Variants in STK3 observed in about 807,000 individuals in gnomAD.
STK3 encodes serine/threonine kinase 3.
In STK3, 41 loss-of-function variants were observed where a neutral mutation model predicts 58.0. The observed-to-expected ratio is 0.71, with a 90% CI of 0.55 to 0.92. STK3 has a LOEUF of 0.92. STK3 is among the 40% of genes least tolerant of loss of function. The pLI is 0.00. For missense variants in STK3, 479 were observed against 602.7 expected, an observed-to-expected ratio of 0.79 and a Z score of 2.15; for synonymous variants, 170 against 191.0, an observed-to-expected ratio of 0.89 and a Z score of 0.91.
chr8:98,694,696 C>T (rs1483865299), intron 6 of STK3, among the ~76,000 whole-genome samples: 1 of 152,192 alleles, frequency 6.6e-6, no homozygotes, highest in Non-Finnish European at 1.5e-5. Context: ...TTTTTTATGG[C>T]TGCATATCAT....
intron 1 of STK3, among the ~76,000 whole-genome samples, chr8:98,796,007 TAAA>T (rs151157103): frequency 0.034 from 5,182 of 151,914 alleles, 117 homozygotes; most frequent in South Asian, 0.068. Flanking sequence ...TCATTAAAAA[TAAA>T]AAACATTTCA....
chr8:98,524,206 C>G (rs1406139046), intron 10 of STK3, among the ~76,000 whole-genome samples: 1 of 152,192 alleles, frequency 6.6e-6, no homozygotes, highest in Non-Finnish European at 1.5e-5. Flanking sequence ...TTCCATTGGT[C>G]TACATGTCTG....
intron 9 of STK3, among the ~76,000 whole-genome samples, chr8:98,545,314 C>T (rs192406282): frequency 6.6e-6 from 1 of 152,150 alleles, no homozygotes; most frequent in Non-Finnish European, 1.5e-5. Context: ...GGTGACACAG[C>T]TGAAGCCTGG....
intron 1 of STK3, among the ~76,000 whole-genome samples, chr8:98,810,189 C>T (rs1834125960): frequency 6.6e-6 from 1 of 152,196 alleles, no homozygotes; most frequent in Admixed American, 6.5e-5. Context: ...CCAATCACCT[C>T]CCACCAGGTC....
chr8:98,789,133 G>C (rs1224621614), intron 1 of STK3, among the ~76,000 whole-genome samples: 1 of 152,180 alleles, frequency 6.6e-6, no homozygotes, highest in Non-Finnish European at 1.5e-5. Context: ...CAAATACATG[G>C]AAATTAAATA....
the STK3 span, among the ~76,000 whole-genome samples, chr8:98,344,911 A>G: frequency 6.7e-6 from 1 of 149,216 alleles, no homozygotes; most frequent in African/African-American, 2.5e-5. Flanking sequence ...AAAAAAAAAA[A>G]AAAAAAAGAA....
At chr8:98,726,032 T>C (rs1827770623) in intron 4 of STK3, among the ~76,000 whole-genome samples, 1 of 152,112 alleles carries the variant, frequency 6.6e-6, no homozygotes, top group Non-Finnish European at 1.5e-5. Context: ...TCACTCCAAA[T>C]AACCACTGTT....
intron 3 of STK3, among the ~76,000 whole-genome samples, chr8:98,853,057 T>A (rs1042058161): frequency 5.3e-5 from 8 of 151,970 alleles, no homozygotes; most frequent in Admixed American, 5.2e-4. Context: ...TTGTGCATTG[T>A]TTGGTATAGT....
chr8:98,917,499 T>C (rs1385977014), intron 1 of STK3, among the ~76,000 whole-genome samples: 1 of 152,154 alleles, frequency 6.6e-6, no homozygotes, highest in African/African-American at 2.4e-5. Context: ...TTAGCCTTGG[T>C]CACGAGGATG....
chr8:98,862,351 T>C (rs1836967097), intron 3 of STK3, among the ~76,000 whole-genome samples: 1 of 152,150 alleles, frequency 6.6e-6, no homozygotes, highest in African/African-American at 2.4e-5. Flanking sequence ...AAGATTTTGA[T>C]AACAAAATCC....
At chr8:98,462,444 G>A (rs749120630) in intron 10 of STK3, among the ~76,000 whole-genome samples, 17 of 152,080 alleles carry the variant, frequency 1.1e-4, no homozygotes, top group Non-Finnish European at 2.5e-4. Flanking sequence ...CTGTGCATGG[G>A]CCTATCTTGC....
chr8:98,690,529 A>G (rs1164932106), intron 6 of STK3, among the ~76,000 whole-genome samples: 3 of 151,984 alleles, frequency 2.0e-5, no homozygotes, highest in Non-Finnish European at 4.4e-5. Context: ...ACAAAAGACT[A>G]CTAAAAGATA....
In STK3 at chr8:98,800,931, G is replaced by A. The variant is rs936541526; in HGVS notation, c.26+24584C>T. Among the ~76,000 whole-genome samples the A allele has an allele frequency of 3.9e-5, 6 of 152,324 alleles. No homozygotes were observed. The highest frequency in any genetic ancestry group is 3.4e-3 in the Middle Eastern group (1 of 294). On this transcript the variant is annotated intron_variant, in intron 1 of 10. Transcript: ENST00000419617. The surrounding 1 kb of genome is among the most constrained non-coding windows in gnomAD (Gnocchi z 4.8). The stretch of plus-strand genomic sequence containing the variant: ...CAACAGGCGCTGGCCCCTGCTCCAC[G>A]GCGTCCGGTCCCATAAACCGCCCAA...
At chr8:98,574,593 T>G (rs778803994) in intron 8 of STK3, among the ~76,000 whole-genome samples, 1 of 152,068 alleles carries the variant, frequency 6.6e-6, no homozygotes, top group Non-Finnish European at 1.5e-5. Context: ...TCTAATGGAG[T>G]AAGCTGCAAT....
rs186372179 is a variant in STK3, at chr8:98,620,471, A to T, written c.685-24302T>A. ...CCCTAAAACTTAAAGTATAATAAAA[A>T]AAATAAATAAATAAATAAATAAATA... is the stretch of plus-strand genomic sequence containing the variant. On this transcript the variant is annotated intron_variant, in intron 6 of 10. Transcript: ENST00000419617. Among the ~76,000 whole-genome samples the T allele has an allele frequency of 2.8e-3, 412 of 148,194 alleles. 1 individual carries two copies. Among genetic ancestry groups the T allele is most frequent in the African/African-American group, 6.4e-3 (261 of 40,666 alleles).
chr8:98,402,412 AGCTCCCTGGAGTCTGTGTTTG>A (rs1366637783), intron 3 of STK3, among the ~76,000 whole-genome samples: 1 of 152,160 alleles, frequency 6.6e-6, no homozygotes, highest in Admixed American at 6.5e-5. Context: ...AAGGGATCGG[AGCTCCCTGGAGTCTGTGTTTG>A]GCTCATTCCT....
chr8:98,598,262 C>T (rs1816001124), intron 6 of STK3: 1 of 985,230 alleles, frequency 1.0e-6, no homozygotes, highest in Non-Finnish European at 1.2e-6. Context: ...ATAATCTTAA[C>T]ATATAAGGCT....
chr8:98,742,189 C>A (rs570191649), intron 4 of STK3, among the ~76,000 whole-genome samples: 1 of 151,900 alleles, frequency 6.6e-6, no homozygotes, highest in East Asian at 1.9e-4. Flanking sequence ...TGAAACTATT[C>A]CAATCAATAG....
intron 8 of STK3, among the ~76,000 whole-genome samples, chr8:98,556,310 C>T (rs1170729274): frequency 6.6e-6 from 1 of 152,068 alleles, no homozygotes; most frequent in Non-Finnish European, 1.5e-5. Flanking sequence ...GGGACGCATA[C>T]TGAACCCTCA....
Sources: allele counts gnomAD v4.1 joint callset (sites outside exome capture counted in the v4.1 genomes callset), GRCh38; gene constraint gnomAD v4.1.1; non-coding constraint Gnocchi (gnomAD v3.1); transcripts MANE v1.5; gene names NCBI Gene and HGNC (gene_info 2026-07-23, HGNC 2026-07-21).